SDC2: variants seen among roughly 807,000 people sequenced by gnomAD.
SDC2 encodes syndecan 2.
Under a neutral mutation model 22.2 loss-of-function variants are expected in SDC2, and 13 were observed. The observed-to-expected ratio is 0.59, with a 90% CI of 0.38 to 0.93. The LOEUF is 0.93. Ranked by LOEUF, SDC2 falls within the 40% of genes least tolerant of loss-of-function variation. The pLI is 0.00. For synonymous variants in SDC2, 94 were observed against 92.8 expected, an observed-to-expected ratio of 1.01 and a Z score of -0.07; for missense variants, 235 against 246.8, an observed-to-expected ratio of 0.95 and a Z score of 0.32.
intron 1 of SDC2, among the ~76,000 whole-genome samples, chr8:96,515,921 C>G (rs889672284): frequency 1.3e-5 from 2 of 152,116 alleles, no homozygotes; most frequent in Admixed American, 1.3e-4. Flanking sequence ...ATGACACTTT[C>G]ACCAACTTAC....
intron 1 of SDC2, among the ~76,000 whole-genome samples, chr8:96,585,305 A>G (rs1398946757): frequency 6.6e-6 from 1 of 152,178 alleles, no homozygotes; most frequent in African/African-American, 2.4e-5. Context: ...AAATGTACGA[A>G]ATGTGTCAAG....
chr8:96,589,811 C>G (rs966397577), intron 1 of SDC2, among the ~76,000 whole-genome samples: 2 of 152,162 alleles, frequency 1.3e-5, no homozygotes, highest in African/African-American at 4.8e-5. Flanking sequence ...CCCTCTGCAT[C>G]GAATGGCTTC....
Position 96,602,511 on chromosome 8 carries a change from A to T in SDC2, c.289A>T (p.Ile97Leu). The change falls in exon 3 of 5, where the codon ATA becomes TTA. Residue 97 changes from isoleucine to leucine, a missense_variant. Ile to Leu is a conservative substitution (Grantham distance 5). Coordinates refer to ENST00000302190, the MANE Select transcript of SDC2 (RefSeq NM_002998.4). ...CACGACGCTGAATATACAGAACAAG[A>T]TACCTGCTCAGACAAAGGTGCGTTC... ...ETTTLNIQNK[I>L]PAQTKSPEET... is the part of the protein sequence containing the mutation. 6.2e-7 allele frequency: 1 copy of T among 1,614,110 alleles called. No homozygotes were observed. The highest frequency in any genetic ancestry group is 8.5e-7 in the Non-Finnish European group (1 of 1,179,974).
rs1334195649 is a variant in SDC2 at position 96,494,226 on chromosome 8, G to T, written c.-46G>T. The T allele has an allele frequency of 1.6e-5, 25 of 1,534,272 alleles. No homozygotes were observed. In the East Asian group the frequency reaches 5.6e-4, roughly 35 times the overall value. ...AGCGCTGGGCAGGAGGCTTCGTTTT[G>T]CCCTGGTTGCAAGCAGCGGCTGGGA... On this transcript the variant is annotated 5_prime_UTR_variant, in exon 1 of 5. Transcript: ENST00000302190.
At chr8:96,546,148 C>T (rs917281090) in intron 1 of SDC2, among the ~76,000 whole-genome samples, 3 of 152,194 alleles carry the variant, frequency 2.0e-5, no homozygotes, top group African/African-American at 7.2e-5. Flanking sequence ...ATCCACCCCT[C>T]TAAAGACCTG....
intron 1 of SDC2, among the ~76,000 whole-genome samples, chr8:96,543,300 A>G (rs1813881659): frequency 6.6e-6 from 1 of 152,220 alleles, no homozygotes; most frequent in African/African-American, 2.4e-5. Flanking sequence ...TTTAACTATG[A>G]AAATGAACTT....
intron 1 of SDC2, among the ~76,000 whole-genome samples, chr8:96,562,673 C>T (rs750566510): frequency 2.0e-4 from 30 of 152,146 alleles, no homozygotes; most frequent in East Asian, 5.8e-4. Flanking sequence ...CCAGGAATTC[C>T]GTCGACACAA....
chr8:96,564,059 C>T lies in SDC2; in HGVS notation c.61-29421C>T, dbSNP rs548127782. Among the ~76,000 whole-genome samples the T allele has an allele frequency of 4.6e-4, 70 of 152,274 alleles. No individual in the cohort carries two copies. The South Asian group carries it at 0.013, about 27-fold the overall frequency. On this transcript the variant is annotated intron_variant, in intron 1 of 4. Coordinates refer to ENST00000302190, the MANE Select transcript of SDC2 (RefSeq NM_002998.4). ...ATGCCAGCATCTCTGTTGTTCCTGC[C>T]GTTACCAGGCCTAGGCATTGTCTTG...
At chr8:96,588,823 G>A (rs1209148187) in intron 1 of SDC2, among the ~76,000 whole-genome samples, 2 of 152,222 alleles carry the variant, frequency 1.3e-5, no homozygotes, top group South Asian at 2.1e-4. Flanking sequence ...GCATGTGCAG[G>A]ACCTCTGCTT....
intron 1 of SDC2, among the ~76,000 whole-genome samples, chr8:96,515,983 G>A (rs1813396065): frequency 6.6e-6 from 1 of 152,132 alleles, no homozygotes; most frequent in Non-Finnish European, 1.5e-5. Flanking sequence ...GCTGGAAGGG[G>A]AGCCCTTCCA....
chr8:96,566,890 G>C (rs1310461069), intron 1 of SDC2, among the ~76,000 whole-genome samples: 2 of 152,174 alleles, frequency 1.3e-5, no homozygotes, highest in Non-Finnish European at 2.9e-5. Context: ...GTCACACTCT[G>C]TTGCCCAGGC....
At chr8:96,591,971 C>T (rs1814788709) in intron 1 of SDC2, among the ~76,000 whole-genome samples, 1 of 152,156 alleles carries the variant, frequency 6.6e-6, no homozygotes, top group Admixed American at 6.6e-5. Context: ...TTGGGAATTA[C>T]AATCTGGAAT....
intron 1 of SDC2, among the ~76,000 whole-genome samples, chr8:96,542,419 A>G (rs1183908234): frequency 6.6e-6 from 1 of 152,192 alleles, no homozygotes; most frequent in East Asian, 1.9e-4. Context: ...GATGAGGATG[A>G]GGCTCTGAAG....
chr8:96,576,742 T>C (rs185768831), intron 1 of SDC2, among the ~76,000 whole-genome samples: 16 of 152,244 alleles, frequency 1.1e-4, no homozygotes, highest in Admixed American at 2.0e-4. Context: ...TACAGCTTTT[T>C]TTTGTTGTTT....
At chr8:96,601,357 G>C (rs567468230) in intron 2 of SDC2, among the ~76,000 whole-genome samples, 1 of 152,126 alleles carries the variant, frequency 6.6e-6, no homozygotes, top group South Asian at 2.1e-4. Context: ...AAAACCAGGA[G>C]AGGGCCAGGC....
Position 96,494,452 on chromosome 8 carries a change from A to G in SDC2, c.60+121A>G, listed in dbSNP as rs533566498. 26 of 861,554 alleles carry G rather than the reference A, an allele frequency of 3.0e-5. No homozygotes were observed. The South Asian group carries it at 4.7e-4, about 15-fold the overall frequency. The allele number at this position is 861,554 out of a possible 1,614,324, so 53.4% of individuals were successfully genotyped here. On this transcript the variant is annotated intron_variant, in intron 1 of 4. Coordinates refer to ENST00000302190, the MANE Select transcript of SDC2 (RefSeq NM_002998.4). The stretch of plus-strand genomic sequence containing the variant: ...CCCAGTCCCCAAGTATACACCGGAG[A>G]TCCGCTGGGACAAATGCGCTCGTCC...
intron 1 of SDC2, among the ~76,000 whole-genome samples, chr8:96,518,130 A>G (rs569514544): frequency 6.6e-6 from 1 of 152,152 alleles, no homozygotes; most frequent in African/African-American, 2.4e-5. Flanking sequence ...ATACTTAATG[A>G]GTTCTGAATG....
chr8:96,532,532 T>C (rs576937226), intron 1 of SDC2, among the ~76,000 whole-genome samples: 40 of 151,362 alleles, frequency 2.6e-4, no homozygotes, highest in African/African-American at 9.5e-4. Flanking sequence ...TTCCAGTCAT[T>C]CTTTTGCAGA....
At chr8:96,599,745 A>G (rs974904930) in intron 2 of SDC2, among the ~76,000 whole-genome samples, 4 of 152,236 alleles carry the variant, frequency 2.6e-5, no homozygotes, top group Admixed American at 2.0e-4. Flanking sequence ...CTTTCTTAAT[A>G]CCAAACCCTG....
Sources: allele counts gnomAD v4.1 joint callset (sites outside exome capture counted in the v4.1 genomes callset), GRCh38; gene constraint gnomAD v4.1.1; transcripts MANE v1.5; gene names NCBI Gene and HGNC (gene_info 2026-07-23, HGNC 2026-07-21).